Variants in SFPQ observed in about 807,000 individuals in gnomAD.
SFPQ encodes the protein splicing factor proline and glutamine rich, also known as splicing factor, proline- and glutamine-rich.
A neutral mutation model predicts 72.9 loss-of-function variants in SFPQ; 11 were observed. The observed-to-expected ratio is 0.15, with a 90% CI of 0.09 to 0.25. The LOEUF (loss-of-function observed/expected upper bound fraction) is 0.25, where lower values mean the gene tolerates loss of function less well. Ranked by LOEUF, SFPQ falls within the 10% of genes least tolerant of loss-of-function variation. The probability of loss-of-function intolerance (pLI) is 1.00; values close to 1 mark genes in which losing one functional copy is unlikely to be tolerated. For synonymous variants in SFPQ, 506 were observed against 367.3 expected, an observed-to-expected ratio of 1.38 and a Z score of -4.32; for missense variants, 847 against 993.3, an observed-to-expected ratio of 0.85 and a Z score of 1.98.
chr1:35,189,448 G>C, intron 4 of SFPQ, 66 bp from the exon 5 acceptor site: 1 of 1,257,454 alleles, frequency 8.0e-7, no homozygotes, highest in Non-Finnish European at 1.1e-6. Flanking sequence ...ACTTGCCCTA[G>C]TACTGATCTT....
At position 35,192,426 on chromosome 1, in the gene SFPQ, T is replaced by C; in HGVS notation, c.624A>G (p.Lys208=). ...PKQGPGPGGP[K]GGKMPGGPKP... ...TCGGCCCGCCAGGCATTTTGCCGCCTTTGGGACCACCCGGACCTGGGCCCT... is the reference window on the plus strand; with the variant it reads ...TCGGCCCGCCAGGCATTTTGCCGCCCTTGGGACCACCCGGACCTGGGCCCT... The change falls in exon 1 of 10, where the codon AAA becomes AAG. Residue 208 remains lysine (K), a synonymous_variant. Transcript: ENST00000357214. 1.4e-6 allele frequency: 2 copies of C among 1,425,800 alleles called. No homozygotes were observed. The highest frequency in any genetic ancestry group is 3.0e-5 in the African/African-American group (2 of 66,612). 88.3% of individuals were successfully genotyped at this position (1,425,800 alleles called of 1,614,324 possible).
At chr1:35,190,048 G>A (rs181926464) in intron 4 of SFPQ, among the ~76,000 whole-genome samples, 369 of 152,180 alleles carry the variant, frequency 2.4e-3, no homozygotes, top group Non-Finnish European at 4.3e-3. Context: ...CTCACCTGAG[G>A]TCAGGAGTTC....
chr1:35,176,784 G>A (rs573990124), intron 5 of SFPQ, among the ~76,000 whole-genome samples: 88 of 151,444 alleles, frequency 5.8e-4, no homozygotes, highest in African/African-American at 2.1e-3. Flanking sequence ...TGAGGCAGGA[G>A]AATGGCGTGA....
intron 4 of SFPQ, 121 bp downstream of exon 4, chr1:35,190,377 C>A: frequency 1.5e-6 from 1 of 670,062 alleles, no homozygotes; most frequent in South Asian, 1.9e-5. Context: ...AGATTTTTTA[C>A]TAATAAGCAT....
rs1639816083 is a variant in SFPQ at position 35,188,145 on chromosome 1, C to CA, written c.1698-56dup. ...AGTGTTATCCACATCTTTTAGAATT[C>CA]AATGTGAAGAAACCTAGCAGTTGAC... On this transcript the variant is annotated intron_variant, in intron 6 of 9. Coordinates refer to ENST00000357214, the MANE Select transcript of SFPQ (RefSeq NM_005066.3). 10 of 1,333,726 alleles carry CA rather than the reference C, an allele frequency of 7.5e-6. No individual in the cohort carries two copies. In the East Asian group the frequency reaches 2.3e-4, roughly 31 times the overall value. 82.6% of individuals were successfully genotyped at this position (1,333,726 alleles called of 1,614,324 possible).
At chr1:35,191,591 A>T in intron 1 of SFPQ, 62 bp from the exon 2 acceptor site, 1 of 1,330,576 alleles carries the variant, frequency 7.5e-7, no homozygotes, top group South Asian at 1.3e-5. Context: ...AATCCCCAAG[A>T]TAGTATTTGC....
intron 4 of SFPQ, among the ~76,000 whole-genome samples, chr1:35,190,029 G>C (rs1639918016): frequency 6.6e-6 from 1 of 152,082 alleles, no homozygotes; most frequent in Admixed American, 6.5e-5. Flanking sequence ...GAGAGGCCGA[G>C]GTGGGCGACT....
chr1:35,188,127 T>G, intron 6 of SFPQ, 37 bp from the exon 7 acceptor site: 1 of 1,439,244 alleles, frequency 6.9e-7, no homozygotes, highest in Non-Finnish European at 9.8e-7. Flanking sequence ...TGAAGTGTTA[T>G]CCACATCTTT....
downstream of SFPQ, chr1:35,180,932 C>T: frequency 1.0e-6 from 1 of 985,324 alleles, no homozygotes; most frequent in Non-Finnish European, 1.2e-6. Flanking sequence ...CACTTTTTAT[C>T]TGAGAACTGC....
chr1:35,192,199 G>C (rs952004668), intron 1 of SFPQ, 23 bp downstream of exon 1: 2 of 1,382,386 alleles, frequency 1.4e-6, no homozygotes, highest in East Asian at 3.2e-5. Context: ...GGGAGCCGAC[G>C]CGTCGCTCCC....
Position 35,190,581 on chromosome 1 carries a change from T to C in SFPQ, c.1332A>G (p.Pro444=), listed in dbSNP as rs763733993. The C allele has an allele frequency of 1.2e-6, 2 of 1,613,286 alleles. No homozygotes were observed. Among genetic ancestry groups the C allele is most frequent in the South Asian group, 1.1e-5 (1 of 90,732 alleles). The part of the protein sequence containing the change: ...GVFLLTTTPR[P]VIVEPLEQLD... ...GTTGTTCAAGTGGTTCCACAATGAC[T>C]GGACGAGGAGTTCTAATAACAAAAA... Residue 444 remains proline, a synonymous_variant, in exon 4 of 10, where the codon CCA becomes CCG. Coordinates refer to ENST00000357214, the MANE Select transcript of SFPQ (RefSeq NM_005066.3).
intron 4 of SFPQ, 120 bp downstream of exon 4, chr1:35,190,378 T>C: frequency 1.5e-6 from 1 of 671,768 alleles, no homozygotes; most frequent in Non-Finnish European, 2.6e-6. Flanking sequence ...GATTTTTTAC[T>C]AATAAGCATA....
intron 4 of SFPQ, chr1:35,177,444 C>T (rs1639291769): frequency 6.6e-6 from 1 of 152,150 alleles, no homozygotes; most frequent in Non-Finnish European, 1.5e-5. Flanking sequence ...CTCAACCTCC[C>T]AGGATCAAGC....
At chr1:35,189,576 A>G (rs1033698918) in intron 4 of SFPQ, among the ~76,000 whole-genome samples, 194 bp from the exon 5 acceptor site, 15 of 152,216 alleles carry the variant, frequency 9.9e-5, no homozygotes, top group African/African-American at 3.6e-4. Flanking sequence ...GGCACTGGAG[A>G]TAAATCCTAC....
chr1:35,177,123 G>A (rs1319196626), intron 5 of SFPQ: 5 of 152,202 alleles, frequency 3.3e-5, no homozygotes, highest in African/African-American at 1.2e-4. Flanking sequence ...GCTGAGGCAG[G>A]AGAATCGCTT....
At chr1:35,182,307 G>A (rs1010502597), downstream of SFPQ, 15 of 985,052 alleles carry the variant, frequency 1.5e-5, no homozygotes, top group Middle Eastern at 5.2e-4. Flanking sequence ...CCTTGTTTCC[G>A]TACAGAAAAT....
downstream of SFPQ, chr1:35,182,502 T>C (rs1639512202): frequency 4.1e-6 from 4 of 985,460 alleles, no homozygotes; most frequent in Middle Eastern, 5.2e-4. Flanking sequence ...TTTGGTGAGA[T>C]GCTTTTATAC....
In SFPQ at chr1:35,189,330, A is replaced by C. The variant is rs760858365; in HGVS notation, c.1468T>G (p.Tyr490Asp). ...FAQHGTFEYE[Y>D]SQRWKSLDEM... is the part of the protein sequence containing the mutation. ...TCCAAAGACTTCCATCGCTGAGAAT[A>C]TTCGTACTCAAACGTGCCATGCTGG... The change falls in exon 5 of 10, where the codon TAT (tyrosine) becomes GAT (aspartate). Residue 490 changes from tyrosine (Y) to aspartate (D), a missense_variant. Tyr to Asp is a radical substitution (Grantham distance 160). This residue lies in a region of SFPQ where 132 missense variants were observed against 255.4 expected (regional missense o/e 0.52). Coordinates refer to ENST00000357214, the MANE Select transcript of SFPQ (RefSeq NM_005066.3). 6.2e-7 allele frequency: 1 copy of C among 1,614,050 alleles called. No individual in the cohort carries two copies. The highest frequency in any genetic ancestry group is 8.5e-7 in the Non-Finnish European group (1 of 1,180,002).
downstream of SFPQ, chr1:35,181,981 T>C: frequency 1.0e-6 from 1 of 985,274 alleles, no homozygotes; most frequent in Non-Finnish European, 1.2e-6. Flanking sequence ...ACAGTAAGGG[T>C]ATCAAAAGCC....
Sources: allele counts gnomAD v4.1 joint callset (sites outside exome capture counted in the v4.1 genomes callset), GRCh38; gene constraint gnomAD v4.1.1; regional missense constraint gnomAD v4.1.1; transcripts MANE v1.5; gene names NCBI Gene and HGNC (gene_info 2026-07-23, HGNC 2026-07-21).